Variants in LAMC1 observed in about 807,000 individuals in gnomAD.
LAMC1 encodes the protein laminin subunit gamma 1.
LAMC1 carries 38 observed loss-of-function variants against 173.6 expected under a neutral mutation model. That is an observed-to-expected ratio of 0.22 (90% confidence interval 0.17 to 0.29). The LOEUF (loss-of-function observed/expected upper bound fraction) is 0.29, where lower values mean the gene tolerates loss of function less well. Among genes scored for constraint, LAMC1 ranks in the 10% least tolerant of loss-of-function variants. LAMC1 has a pLI of 1.00. For synonymous variants in LAMC1, 746 were observed against 749.1 expected (o/e 1.00, Z 0.07); for missense variants, 1,824 against 2,051.8 (o/e 0.89, Z 2.14).
chr1:183,085,155 C>T (rs1290895954), intron 1 of LAMC1, among the ~76,000 whole-genome samples: 1 of 150,814 alleles, frequency 6.6e-6, no homozygotes, highest in Non-Finnish European at 1.5e-5. Flanking sequence ...AGGTGGGAGG[C>T]TACAGTGAGC....
chr1:183,080,279 C>T (rs1045229905), intron 1 of LAMC1, among the ~76,000 whole-genome samples: 25 of 152,264 alleles, frequency 1.6e-4, no homozygotes, highest in Non-Finnish European at 5.9e-5. Context: ...AAAAATTGTA[C>T]TAGCTATTTT....
chr1:183,073,604 A>C (rs1655061333), intron 1 of LAMC1, among the ~76,000 whole-genome samples: 1 of 152,238 alleles, frequency 6.6e-6, no homozygotes, highest in African/African-American at 2.4e-5. Context: ...AACTTGTGTT[A>C]AGGTCAAGCC....
At chr1:183,065,103 T>G (rs774301313) in intron 1 of LAMC1, among the ~76,000 whole-genome samples, 1 of 152,138 alleles carries the variant, frequency 6.6e-6, no homozygotes. Context: ...TGAAACAATG[T>G]TGAACAAAAT....
At chr1:183,043,509 A>G (rs1341533312) in intron 1 of LAMC1, among the ~76,000 whole-genome samples, 1 of 152,232 alleles carries the variant, frequency 6.6e-6, no homozygotes, top group Non-Finnish European at 1.5e-5. Context: ...TAAATTGGTT[A>G]TCTAAATAAG....
intron 1 of LAMC1, among the ~76,000 whole-genome samples, chr1:183,085,184 C>T (rs1018451929): frequency 2.0e-5 from 3 of 151,240 alleles, no homozygotes; most frequent in African/African-American, 7.3e-5. Context: ...CGCCAGTGCC[C>T]TCCAGCCTGG....
At position 183,124,782 on chromosome 1, in the gene LAMC1, G is replaced by A. The variant is rs61751707; in HGVS notation, c.2553G>A (p.Lys851=). ...NCNRLTGECL[K]CIYNTAGFYC... ...ATCGCTTGACGGGAGAATGCCTGAA[G>A]TGCATCTATAACACTGCTGGCTTCT... Residue 851 remains lysine (K), a synonymous_variant, in exon 14 of 28, where the codon AAG becomes AAA. Transcript: ENST00000258341. 2.8e-3 allele frequency: 4,544 copies of A among 1,614,204 alleles called. 18 individuals carry two copies. The highest frequency in any genetic ancestry group is 3.6e-3 in the South Asian group (328 of 91,084).
rs1321325139 is a variant in LAMC1, at chr1:183,137,790, A to T, written c.4436A>T (p.Gln1479Leu). The T allele has an allele frequency of 1.2e-6, 2 of 1,611,584 alleles. No homozygotes were observed. The highest frequency in any genetic ancestry group is 2.7e-5 in the African/African-American group (2 of 74,862). The change falls in exon 26 of 28, where the codon CAA becomes CTA. Residue 1479 changes from glutamine (Q) to leucine (L), a missense_variant. Coordinates refer to ENST00000258341, the MANE Select transcript of LAMC1 (RefSeq NM_002293.4). The stretch of plus-strand genomic sequence containing the variant: ...GCAGAAAAAGAGCTAAAGAGAAAAC[A>T]AGATGACGCTGACCAGGACATGATG... Reference protein sequence around the residue: ...QEAEKELKRKQDDADQDMMMA... With the variant: ...QEAEKELKRKLDDADQDMMMA...
At chr1:183,055,740 A>G (rs1289928150) in intron 1 of LAMC1, among the ~76,000 whole-genome samples, 1 of 152,130 alleles carries the variant, frequency 6.6e-6, no homozygotes, top group African/African-American at 2.4e-5. Flanking sequence ...TGAACCTGGG[A>G]GGCAGAGATT....
intron 1 of LAMC1, among the ~76,000 whole-genome samples, chr1:183,079,248 T>G (rs1655202229): frequency 1.2e-5 from 1 of 81,652 alleles, no homozygotes; most frequent in African/African-American, 4.2e-5. Context: ...TTTTTTTTTT[T>G]TTTTTTTTTT....
rs573024038 is a variant in LAMC1 at position 183,132,511 on chromosome 1, A to G, written c.3678A>G (p.Ala1226=). The part of the protein sequence containing the change: ...LRTLAGENQT[A]FEIEELNRKY... ...CACTGGCAGGAGAAAATCAAACAGC[A>G]TTTGAGATTGAAGAGCTTAATAGGA... is the stretch of plus-strand genomic sequence containing the variant. Residue 1226 remains alanine, a synonymous_variant, in exon 21 of 28, where the codon GCA becomes GCG. Transcript: ENST00000258341. 1 of 1,613,834 alleles carries G rather than the reference A, an allele frequency of 6.2e-7. No homozygotes were observed. Among genetic ancestry groups the G allele is most frequent in the Non-Finnish European group, 8.5e-7 (1 of 1,179,838 alleles).
At chr1:183,091,544 A>G (rs1389431755) in intron 1 of LAMC1, among the ~76,000 whole-genome samples, 1 of 151,924 alleles carries the variant, frequency 6.6e-6, no homozygotes, top group East Asian at 1.9e-4. Context: ...AACATCTGGC[A>G]CTTCGTACTT....
intron 3 of LAMC1, among the ~76,000 whole-genome samples, chr1:183,109,817 G>A (rs1656092160): frequency 1.3e-5 from 2 of 152,148 alleles, no homozygotes; most frequent in South Asian, 4.2e-4. Flanking sequence ...TCCTTAATTT[G>A]TTATCATACT....
chr1:183,140,531 A>C (rs769457219), intron 27 of LAMC1, 28 bp downstream of exon 27: 42 of 1,459,276 alleles, frequency 2.9e-5, no homozygotes, highest in Non-Finnish European at 3.5e-5. Flanking sequence ...CATTTTTGTC[A>C]GTCTCTGAAT....
At chr1:183,072,193 T>A (rs986065280) in intron 1 of LAMC1, among the ~76,000 whole-genome samples, 1 of 152,232 alleles carries the variant, frequency 6.6e-6, no homozygotes, top group African/African-American at 2.4e-5. Flanking sequence ...AGTCTGCTAT[T>A]TGGAGGCACT....
chr1:183,090,426 T>C (rs1199095447), intron 1 of LAMC1, among the ~76,000 whole-genome samples: 9 of 152,200 alleles, frequency 5.9e-5, no homozygotes, highest in Non-Finnish European at 1.3e-4. Flanking sequence ...GTGTAGAGTG[T>C]ACATTCTTAC....
At position 183,087,276 on chromosome 1, in the gene LAMC1, C is replaced by G. The variant is rs543333332; in HGVS notation, c.419-16052C>G. On this transcript the variant is annotated intron_variant, in intron 1 of 27. Coordinates refer to ENST00000258341, the MANE Select transcript of LAMC1 (RefSeq NM_002293.4). ...AGTCAGACTCACCTGGGTTCACTCT[C>G]GTTCTTCTATTGGGTTGCTGCTTAT... 2.6e-5 allele frequency among the ~76,000 whole-genome samples: 4 copies of G among 152,300 alleles called. No individual in the cohort carries two copies. The East Asian group carries it at 7.7e-4, about 29-fold the overall frequency.
intron 1 of LAMC1, among the ~76,000 whole-genome samples, chr1:183,039,894 A>G (rs756154524): frequency 6.6e-6 from 1 of 152,140 alleles, no homozygotes; most frequent in Admixed American, 6.6e-5. Flanking sequence ...CCCTGGGGAA[A>G]GGTAGGTATC....
In LAMC1 at chr1:183,114,728, C is replaced by T. The variant is rs766759002; in HGVS notation, c.1210+9C>T. 1 of 1,609,416 alleles carries T rather than the reference C, an allele frequency of 6.2e-7. No homozygotes were observed. Among genetic ancestry groups the T allele is most frequent in the Non-Finnish European group, 8.5e-7 (1 of 1,176,746 alleles). ...CCACTGTAGTCCTGTGGGTAAGTGACAGGAAGATGGATTGAAAGACAAAAT... is the reference window on the plus strand; with the variant it reads ...CCACTGTAGTCCTGTGGGTAAGTGATAGGAAGATGGATTGAAAGACAAAAT... On this transcript the variant is annotated intron_variant, in intron 5 of 27. Transcript: ENST00000258341.
chr1:183,105,790 T>G (rs1655964039), intron 2 of LAMC1, among the ~76,000 whole-genome samples: 2 of 152,198 alleles, frequency 1.3e-5, no homozygotes, highest in Admixed American at 1.3e-4. Flanking sequence ...GATCTGACAA[T>G]GAGAGAGAAC....
Sources: gnomAD v4.1 joint callset for allele counts (sites outside exome capture counted in the v4.1 genomes callset) on GRCh38, gnomAD v4.1.1 for gene constraint, MANE v1.5 for transcripts, NCBI Gene and HGNC (gene_info 2026-07-23, HGNC 2026-07-21) for gene names.